DIAPH1: variants seen among roughly 807,000 people sequenced by gnomAD.
DIAPH1 encodes diaphanous related formin 1.
Under a neutral mutation model 140.7 loss-of-function variants are expected in DIAPH1, and 46 were observed. That is an observed-to-expected ratio of 0.33 (90% CI 0.26 to 0.42). The LOEUF (loss-of-function observed/expected upper bound fraction) is 0.42. DIAPH1 is among the 10% of genes least tolerant of loss of function. The probability of loss-of-function intolerance (pLI) is 1.00; values close to 1 mark genes in which losing one functional copy is unlikely to be tolerated. For missense variants in DIAPH1, 1,310 were observed against 1,558.7 expected (o/e 0.84, Z 2.69); for synonymous variants, 565 against 551.6 (o/e 1.02, Z -0.34).
chr5:141,579,040 T>C (rs779575080), intron 9 of DIAPH1, 48 bp downstream of exon 9: 1 of 1,341,112 alleles, frequency 7.5e-7, no homozygotes, highest in South Asian at 1.2e-5. Context: ...TTTAAGTCTG[T>C]CCATCTTGAA....
intron 27 of DIAPH1, 138 bp downstream of exon 27, chr5:141,524,005 G>T: frequency 2.5e-6 from 2 of 794,912 alleles, no homozygotes; most frequent in South Asian, 1.4e-5. Flanking sequence ...GGAAGAAGAG[G>T]ACTAGATAAT....
intron 2 of DIAPH1, 130 bp from the exon 3 acceptor site, chr5:141,587,327 T>C: frequency 2.3e-6 from 2 of 883,856 alleles, no homozygotes; most frequent in Non-Finnish European, 3.6e-6. Context: ...TTCAAGACTC[T>C]TCTGACATGA....
At chr5:141,561,982 T>TC (rs1489398417) in intron 18 of DIAPH1, 7 of 152,232 alleles carry the variant, frequency 4.6e-5, no homozygotes, top group African/African-American at 1.7e-4. Context: ...CTCCTCCTGT[T>TC]CAAGTATCAC....
intron 18 of DIAPH1, among the ~76,000 whole-genome samples, chr5:141,553,826 A>G (rs538811581): frequency 2.3e-4 from 35 of 152,368 alleles, no homozygotes; most frequent in Admixed American, 1.8e-3. Flanking sequence ...GAGGGGATTC[A>G]CGAAGCCAAC....
At chr5:141,599,469 G>A (rs2099899815) in intron 1 of DIAPH1, among the ~76,000 whole-genome samples, 2 of 152,262 alleles carry the variant, frequency 1.3e-5, no homozygotes, top group South Asian at 2.1e-4. Context: ...ACACTCTGAC[G>A]ATTCTAGGAG....
chr5:141,606,771 T>G (rs1337365027), intron 1 of DIAPH1, among the ~76,000 whole-genome samples: 1 of 152,194 alleles, frequency 6.6e-6, no homozygotes, highest in East Asian at 1.9e-4. Flanking sequence ...AAGTCAAAAC[T>G]ATCTCTCCAG....
At chr5:141,536,213 A>G (rs2099888990) in intron 18 of DIAPH1, 1 of 287,436 alleles carries the variant, frequency 3.5e-6, no homozygotes, top group South Asian at 3.3e-5. Flanking sequence ...GACGTGGGAA[A>G]ATCACCTGAG....
chr5:141,520,177 T>A (rs1333782744), intron 27 of DIAPH1, among the ~76,000 whole-genome samples: 3 of 152,232 alleles, frequency 2.0e-5, no homozygotes, highest in African/African-American at 7.2e-5. Context: ...GATGGGGCAA[T>A]CATCATCACA....
intron 18 of DIAPH1, among the ~76,000 whole-genome samples, chr5:141,551,689 A>G (rs2099891709): frequency 6.6e-6 from 1 of 152,198 alleles, no homozygotes; most frequent in Admixed American, 6.5e-5. Context: ...ATAAAATAAA[A>G]CCAAATAGTA....
chr5:141,577,584 T>A lies in DIAPH1; in HGVS notation c.1171A>T (p.Asn391Tyr). Reference sequence around the variant, plus strand: ...TTTAAGAGAATCTGAAAGACTTCATTAAAGTCAGTGGAAAAGGGAAATAGG... The same window carrying A: ...TTTAAGAGAATCTGAAAGACTTCATAAAAGTCAGTGGAAAAGGGAAATAGG... ...DDIRMEMDDF[N>Y]EVFQILLNTV... Residue 391 changes from asparagine to tyrosine, a missense_variant, in exon 12 of 28, where the codon AAT becomes TAT. Asn to Tyr is a moderately radical substitution (Grantham distance 143). This residue lies in a region of DIAPH1 where 377 missense variants were observed against 497.1 expected (regional missense o/e 0.76). Transcript: ENST00000389054. 1 of 1,603,810 alleles carries A rather than the reference T, an allele frequency of 6.2e-7. No homozygotes were observed.
intron 18 of DIAPH1, among the ~76,000 whole-genome samples, chr5:141,548,398 T>A (rs1328828190): frequency 6.6e-6 from 1 of 152,096 alleles, no homozygotes; most frequent in Non-Finnish European, 1.5e-5. Flanking sequence ...GAGTATTTAT[T>A]CAGGCAGAAG....
intron 1 of DIAPH1, among the ~76,000 whole-genome samples, chr5:141,600,542 A>G (rs1194692409): frequency 6.6e-6 from 1 of 152,244 alleles, no homozygotes; most frequent in Non-Finnish European, 1.5e-5. Context: ...GAAAAGGCTC[A>G]TGAGTCCTGA....
intron 1 of DIAPH1, among the ~76,000 whole-genome samples, chr5:141,608,742 A>G (rs1349006826): frequency 6.6e-6 from 1 of 152,216 alleles, no homozygotes; most frequent in Non-Finnish European, 1.5e-5. Flanking sequence ...TAAAGAACAA[A>G]CTTCAGCAGT....
intron 3 of DIAPH1, 152 bp from the exon 4 acceptor site, chr5:141,584,377 C>T (rs1303903996): frequency 4.8e-6 from 3 of 631,348 alleles, no homozygotes; most frequent in East Asian, 5.6e-5. Context: ...TAAGCTATTA[C>T]AGCTGATGAA....
At chr5:141,555,627 G>A (rs1424219182) in intron 18 of DIAPH1, among the ~76,000 whole-genome samples, 1 of 152,104 alleles carries the variant, frequency 6.6e-6, no homozygotes, top group Non-Finnish European at 1.5e-5. Flanking sequence ...AACATCAAGG[G>A]CTGAGTAATT....
At chr5:141,527,237 T>C (rs1016147030) in intron 24 of DIAPH1, among the ~76,000 whole-genome samples, 1 of 151,868 alleles carries the variant, frequency 6.6e-6, no homozygotes, top group Non-Finnish European at 1.5e-5. Context: ...TGAGACCCCA[T>C]CTCTAAAGAA....
At chr5:141,527,786 T>C (rs541625134) in intron 23 of DIAPH1, 89 bp from the exon 24 acceptor site, 1 of 1,430,946 alleles carries the variant, frequency 7.0e-7, no homozygotes, top group East Asian at 2.5e-5. Context: ...AGTTTCACCT[T>C]TCAGAGCATA....
chr5:141,605,249 A>C (rs542179484), intron 1 of DIAPH1, among the ~76,000 whole-genome samples: 7 of 152,150 alleles, frequency 4.6e-5, no homozygotes, highest in Non-Finnish European at 1.0e-4. Context: ...AAGCTGGAAA[A>C]TTTTTATGAC....
At chr5:141,564,746 A>G (rs1341723703) in intron 18 of DIAPH1, 2 of 152,236 alleles carry the variant, frequency 1.3e-5, no homozygotes, top group Non-Finnish European at 2.9e-5. Flanking sequence ...ATGACAGATA[A>G]CACCAAAGAC....
Sources: allele counts gnomAD v4.1 joint callset (sites outside exome capture counted in the v4.1 genomes callset), GRCh38; gene constraint gnomAD v4.1.1; regional missense constraint gnomAD v4.1.1; transcripts MANE v1.5; gene names NCBI Gene and HGNC (gene_info 2026-07-23, HGNC 2026-07-21).